The following CRTAC1 variants were observed in gnomAD, a reference collection of about 807,000 sequenced individuals.
CRTAC1 encodes the protein cartilage acidic protein 1, also known as acidic secreted protein in cartilage.
A neutral mutation model predicts 67.8 loss-of-function variants in CRTAC1; 37 were observed. The ratio of observed to expected loss-of-function variants is 0.55; its 90% CI spans 0.42 to 0.72. CRTAC1 has a LOEUF of 0.72. Ranked by LOEUF, CRTAC1 falls within the 30% of genes least tolerant of loss-of-function variation. The pLI, the probability that CRTAC1 is intolerant of heterozygous loss-of-function variation, is 0.00. For missense variants in CRTAC1, 780 were observed against 931.6 expected (o/e 0.84, Z 2.12); for synonymous variants, 348 against 371.0 (o/e 0.94, Z 0.71).
chr10:97,915,695 G>A (rs1590205869), intron 5 of CRTAC1, among the ~76,000 whole-genome samples: 1 of 152,082 alleles, frequency 6.6e-6, no homozygotes, highest in East Asian at 1.9e-4. Flanking sequence ...GTGACAAGGG[G>A]GGCTACAGGG....
At chr10:98,013,029 G>C in intron 1 of CRTAC1, among the ~76,000 whole-genome samples, 1 of 152,176 alleles carries the variant, frequency 6.6e-6, no homozygotes, top group South Asian at 2.1e-4. Flanking sequence ...CAGCTGGGTG[G>C]GGATGGGGGA....
At chr10:97,991,424 A>T (rs1479544933) in intron 2 of CRTAC1, among the ~76,000 whole-genome samples, 5 of 117,458 alleles carry the variant, frequency 4.3e-5, no homozygotes, top group Non-Finnish European at 9.3e-5. Context: ...TAAAAATAAT[A>T]AATAAATAAA....
chr10:97,868,160 G>A (rs2050050268), intron 14 of CRTAC1: 1 of 152,252 alleles, frequency 6.6e-6, no homozygotes, highest in African/African-American at 2.4e-5. Context: ...GCTGGATGTT[G>A]GAACCTAGCA....
Position 97,917,544 on chromosome 10 carries a change from G to T in CRTAC1, c.671C>A (p.Ala224Glu). ...EASDLSRGIL[A>E]LRDVAAEAGV... ...AGCCTCAGCAGCCACATCTCTGAGCGCCAGAATGCCCCGGGAGAGGTCACT... is the reference window on the plus strand; with the variant it reads ...AGCCTCAGCAGCCACATCTCTGAGCTCCAGAATGCCCCGGGAGAGGTCACT... The change falls in exon 5 of 15, where the codon GCG (alanine) becomes GAG (glutamate). Residue 224 changes from alanine (A) to glutamate (E), a missense_variant. By Grantham distance (107) the Ala-to-Glu change is moderately radical. Coordinates refer to ENST00000370597, the MANE Select transcript of CRTAC1 (RefSeq NM_018058.7). 6.3e-7 allele frequency: 1 copy of T among 1,592,552 alleles called. No homozygotes were observed. The highest frequency in any genetic ancestry group is 2.3e-5 in the East Asian group (1 of 44,138).
At chr10:97,942,962 C>T (rs2051199114) in intron 2 of CRTAC1, among the ~76,000 whole-genome samples, 1 of 151,796 alleles carries the variant, frequency 6.6e-6, no homozygotes, top group Non-Finnish European at 1.5e-5. Flanking sequence ...GTCCCAGTTA[C>T]TCAGGAGGCT....
At chr10:97,936,660 C>T (rs1233293232) in intron 2 of CRTAC1, among the ~76,000 whole-genome samples, 1 of 152,250 alleles carries the variant, frequency 6.6e-6, no homozygotes, top group Non-Finnish European at 1.5e-5. Flanking sequence ...CCCGTTCCCA[C>T]AGGCTTCACT....
rs1361151250 is a variant in CRTAC1 at position 98,029,113 on chromosome 10, C to T, written c.24+1336G>A. ...AGAGAGAGAACATTTTCTCAAGAACCATGCTGGAACAGCCACCATGTTCCC... is the reference window on the plus strand; with the variant it reads ...AGAGAGAGAACATTTTCTCAAGAACTATGCTGGAACAGCCACCATGTTCCC... On this transcript the variant is annotated intron_variant, in intron 1 of 14. Coordinates refer to ENST00000370597, the MANE Select transcript of CRTAC1 (RefSeq NM_018058.7). The surrounding 1 kb of genome is among the most constrained non-coding windows in gnomAD (Gnocchi z 4.7). Among the ~76,000 whole-genome samples the T allele has an allele frequency of 6.6e-6, 1 of 152,130 alleles. No homozygotes were observed. The highest frequency in any genetic ancestry group is 1.5e-5 in the Non-Finnish European group (1 of 68,032).
chr10:97,990,538 A>T (rs1249771428), intron 2 of CRTAC1, among the ~76,000 whole-genome samples: 2 of 152,212 alleles, frequency 1.3e-5, no homozygotes, highest in Non-Finnish European at 2.9e-5. Context: ...AGCGTCTTTT[A>T]GCAAGCATGG....
intron 4 of CRTAC1, among the ~76,000 whole-genome samples, chr10:97,920,834 T>C (rs2050826413): frequency 6.6e-6 from 1 of 152,228 alleles, no homozygotes. Context: ...TTTGAAAAGA[T>C]AAAAATGCTA....
intron 14 of CRTAC1, chr10:97,879,620 G>A (rs1232777340): frequency 2.0e-6 from 3 of 1,521,542 alleles, no homozygotes; most frequent in Non-Finnish European, 2.6e-6. Context: ...AGCAGCAGGA[G>A]AGAGATTTAG....
intron 2 of CRTAC1, among the ~76,000 whole-genome samples, chr10:98,007,360 A>C (rs955666514): frequency 3.9e-5 from 6 of 152,210 alleles, no homozygotes; most frequent in African/African-American, 1.4e-4. Flanking sequence ...CAGCCCAAAA[A>C]AGGAGACAGT....
intron 2 of CRTAC1, among the ~76,000 whole-genome samples, chr10:98,000,295 C>T (rs1298906057): frequency 1.3e-5 from 2 of 152,174 alleles, no homozygotes; most frequent in African/African-American, 4.8e-5. Context: ...AGGATCTCCT[C>T]GAGCCACGGC....
intron 2 of CRTAC1, among the ~76,000 whole-genome samples, chr10:97,985,097 AG>A (rs980561611): frequency 1.3e-4 from 20 of 152,166 alleles, no homozygotes; most frequent in African/African-American, 4.1e-4. Flanking sequence ...TGTAGAGTAA[AG>A]GGCAGTATTC....
chr10:97,954,134 C>T (rs1268972923), intron 2 of CRTAC1, among the ~76,000 whole-genome samples: 1 of 152,178 alleles, frequency 6.6e-6, no homozygotes, highest in Non-Finnish European at 1.5e-5. Flanking sequence ...CTCCTGGTCT[C>T]TCTGTGGCAG....
chr10:97,923,229 C>T (rs557721632), intron 4 of CRTAC1, 35 bp downstream of exon 4: 7 of 1,612,864 alleles, frequency 4.3e-6, no homozygotes, highest in African/African-American at 1.3e-5. Context: ...TCTCATGTGG[C>T]TTCTCCCCAG....
chr10:97,892,360 G>A (rs773636468), intron 11 of CRTAC1, among the ~76,000 whole-genome samples: 1 of 152,182 alleles, frequency 6.6e-6, no homozygotes, highest in Non-Finnish European at 1.5e-5. Context: ...GTCCTTATTG[G>A]CACAACGGAG....
At chr10:97,957,669 C>A (rs2051461107) in intron 2 of CRTAC1, among the ~76,000 whole-genome samples, 1 of 152,128 alleles carries the variant, frequency 6.6e-6, no homozygotes, top group African/African-American at 2.4e-5. Context: ...TGTTCCCTGC[C>A]TTCAGTCTTC....
chr10:97,928,182 G>T (rs1387147240), intron 3 of CRTAC1, among the ~76,000 whole-genome samples: 9 of 145,836 alleles, frequency 6.2e-5, no homozygotes, highest in Non-Finnish European at 1.4e-4. Flanking sequence ...TGGCATCTTG[G>T]CATTAAAGGA....
chr10:97,997,900 G>A (rs759316099), intron 2 of CRTAC1, among the ~76,000 whole-genome samples: 115 of 152,192 alleles, frequency 7.6e-4, no homozygotes, highest in Non-Finnish European at 1.3e-3. Context: ...AAGAAACTTG[G>A]AGACTAGAAT....
Sources: allele counts gnomAD v4.1 joint callset (sites outside exome capture counted in the v4.1 genomes callset), GRCh38; gene constraint gnomAD v4.1.1; non-coding constraint Gnocchi (gnomAD v3.1); transcripts MANE v1.5; gene names NCBI Gene and HGNC (gene_info 2026-07-23, HGNC 2026-07-21).